FOCAD: variants seen among roughly 807,000 people sequenced by gnomAD.
FOCAD encodes the protein KIAA1797.
FOCAD carries 198 observed loss-of-function variants against 225.6 expected under a neutral mutation model. That is an observed-to-expected ratio of 0.88 (90% CI 0.78 to 0.99). The LOEUF is 0.99. Among genes scored for constraint, FOCAD ranks in the 50% least tolerant of loss-of-function variants. FOCAD has a pLI of 0.00. For missense variants in FOCAD, 2,713 were observed against 2,123.6 expected (o/e 1.28, Z -5.46); for synonymous variants, 897 against 755.0 (o/e 1.19, Z -3.08).
intron 28 of FOCAD, among the ~76,000 whole-genome samples, chr9:20,935,905 CTAT>C (rs567288868): frequency 6.6e-6 from 1 of 151,942 alleles, no homozygotes; most frequent in Non-Finnish European, 1.5e-5. Flanking sequence ...TAAGTTTTGT[CTAT>C]TAAACTAAAT....
intron 11 of FOCAD, among the ~76,000 whole-genome samples, chr9:20,805,781 G>A (rs1020098805): frequency 6.6e-6 from 1 of 152,160 alleles, no homozygotes; most frequent in Non-Finnish European, 1.5e-5. Context: ...GGGGAAAGGG[G>A]ATACGTTGTC....
chr9:20,795,784 GAAAAAAAAAA>G (rs1161085446), intron 11 of FOCAD, among the ~76,000 whole-genome samples: 1 of 42,406 alleles, frequency 2.4e-5, no homozygotes, highest in Non-Finnish European at 3.9e-5. Context: ...ACTCTGTCTC[GAAAAAAAAAA>G]AAAAAAAAAA....
At chr9:20,659,582 C>T (rs1678353929) in intron 2 of FOCAD, among the ~76,000 whole-genome samples, 1 of 152,126 alleles carries the variant, frequency 6.6e-6, no homozygotes, top group African/African-American at 2.4e-5. Flanking sequence ...TGTCAAGGAG[C>T]TAGGCCTCGG....
chr9:20,884,012 A>G (rs145867752), intron 20 of FOCAD, among the ~76,000 whole-genome samples: 1,575 of 152,302 alleles, frequency 0.01, 19 homozygotes, highest in Non-Finnish European at 0.017. Context: ...GAGTGAGTGT[A>G]TGTGAATACA....
chr9:20,919,861 A>G (rs1393699927), intron 24 of FOCAD, among the ~76,000 whole-genome samples: 4 of 152,032 alleles, frequency 2.6e-5, no homozygotes, highest in Non-Finnish European at 5.9e-5. Context: ...TAAAAACCCT[A>G]GAAGAAAACC....
At chr9:20,833,245 A>G (rs10811414) in intron 15 of FOCAD, among the ~76,000 whole-genome samples, 29,128 of 151,866 alleles carry the variant, frequency 0.19, 3,455 homozygotes, top group Non-Finnish European at 0.26. Flanking sequence ...TTCCCTCATG[A>G]TTAGTGATGT....
chr9:20,752,665 C>G (rs1364912953), intron 5 of FOCAD, among the ~76,000 whole-genome samples: 1 of 152,060 alleles, frequency 6.6e-6, no homozygotes, highest in Admixed American at 6.6e-5. Context: ...TCCATATGAA[C>G]TTTAAAGTAG....
At chr9:20,981,756 T>C in intron 38 of FOCAD, 70 bp downstream of exon 38, 3 of 1,513,158 alleles carry the variant, frequency 2.0e-6, no homozygotes, top group Non-Finnish European at 2.7e-6. Flanking sequence ...CTTGGCAAAG[T>C]GGGGAGGTGT....
At chr9:20,938,030 A>G (rs1331601123) in intron 28 of FOCAD, among the ~76,000 whole-genome samples, 1 of 152,010 alleles carries the variant, frequency 6.6e-6, no homozygotes, top group Non-Finnish European at 1.5e-5. Context: ...CCACAATGAG[A>G]TACCATCTCA....
chr9:20,818,619 G>A (rs753879853), intron 11 of FOCAD, among the ~76,000 whole-genome samples: 9 of 151,922 alleles, frequency 5.9e-5, no homozygotes, highest in Non-Finnish European at 1.3e-4. Context: ...ATCCCTCCGA[G>A]AGACTCTTCT....
chr9:20,755,955 TG>T (rs1444641348), intron 5 of FOCAD, among the ~76,000 whole-genome samples: 6 of 152,078 alleles, frequency 3.9e-5, no homozygotes, highest in African/African-American at 1.4e-4. Flanking sequence ...TCACTGCTAC[TG>T]GCCTGTTTTG....
Position 20,912,914 on chromosome 9 carries a change from C to T in FOCAD, c.2767C>T (p.Pro923Ser), listed in dbSNP as rs1476315962. 1.2e-6 allele frequency: 2 copies of T among 1,613,040 alleles called. No homozygotes were observed. Among genetic ancestry groups the T allele is most frequent in the Non-Finnish European group, 8.5e-7 (1 of 1,179,556 alleles). The change falls in exon 23 of 44, where the codon CCT becomes TCT. Residue 923 changes from proline (P) to serine (S), a missense_variant. Coordinates refer to ENST00000338382, the MANE Select transcript of FOCAD (RefSeq NM_001375567.1). ...GCAGTTAAAACATGGAAAAGAAGAA[C>T]CTGAGGAGGTGCAGTACAAAAAAAG... Reference protein sequence around the residue: ...ELQLKHGKEEPEEVQYKKSTA... With the variant: ...ELQLKHGKEESEEVQYKKSTA...
chr9:20,715,198 T>C (rs1486248295), intron 1 of FOCAD, 124 bp from the exon 2 acceptor site: 1 of 387,366 alleles, frequency 2.6e-6, no homozygotes, highest in Non-Finnish European at 4.6e-6. Context: ...TGCAGAGCCC[T>C]GTGCTTTATT....
chr9:20,717,661 A>T, intron 2 of FOCAD, 133 bp from the exon 3 acceptor site: 1 of 654,796 alleles, frequency 1.5e-6, no homozygotes, highest in Non-Finnish European at 2.6e-6. Flanking sequence ...AATGCCTTCT[A>T]CATAGCACAC....
At chr9:20,987,522 AG>A (rs1455354420) in intron 40 of FOCAD, among the ~76,000 whole-genome samples, 1 of 152,034 alleles carries the variant, frequency 6.6e-6, no homozygotes, top group Non-Finnish European at 1.5e-5. Flanking sequence ...AAAAAAAAAA[AG>A]AAATTTTGAT....
At chr9:20,922,584 C>T (rs1834548010) in intron 24 of FOCAD, among the ~76,000 whole-genome samples, 1 of 152,204 alleles carries the variant, frequency 6.6e-6, no homozygotes, top group Admixed American at 6.5e-5. Flanking sequence ...ACTTGAGGTA[C>T]TAGGCTCATT....
At chr9:20,876,628 TG>T (rs1177089828) in intron 19 of FOCAD, among the ~76,000 whole-genome samples, 1 of 152,170 alleles carries the variant, frequency 6.6e-6, no homozygotes, top group African/African-American at 2.4e-5. Context: ...TTGAGTGAGG[TG>T]GGTGATCTAG....
In FOCAD at chr9:20,676,479, C is replaced by T. The variant is rs181847616; in HGVS notation, c.-78+17653C>T. On this transcript the variant is annotated intron_variant, in intron 2 of 45. Coordinates refer to the FOCAD transcript ENST00000380249. ...CATCATGTTTCTCAATATAAAATTA[C>T]AAGGCAAACAGAGCATATGTCCAAA... Among the ~76,000 whole-genome samples the T allele has an allele frequency of 2.7e-4, 41 of 152,250 alleles. 1 individual carries two copies. Among genetic ancestry groups the T allele is most frequent in the South Asian group, 8.3e-4 (4 of 4,832 alleles).
In FOCAD at chr9:20,758,160, C is replaced by G; in HGVS notation, c.463C>G (p.Leu155Val). ...TTGCTGGCCAGTGTTTTTGCAGCAG[C>G]TGACAGCGTTTTTCCAGCAGTGCCC... ...PDCWPVFLQQ[L>V]TAFFQQCPER... Residue 155 changes from leucine (L) to valine (V), a missense_variant, in exon 6 of 44, where the codon CTG (leucine) becomes GTG (valine). Physicochemically the swap from Leu to Val is conservative, Grantham distance 32 (BLOSUM62 1). Coordinates refer to ENST00000338382, the MANE Select transcript of FOCAD (RefSeq NM_001375567.1). 2 of 1,612,174 alleles carry G rather than the reference C, an allele frequency of 1.2e-6. No individual in the cohort carries two copies. The highest frequency in any genetic ancestry group is 1.7e-6 in the Non-Finnish European group (2 of 1,179,202).
Sources: allele counts gnomAD v4.1 joint callset (sites outside exome capture counted in the v4.1 genomes callset), GRCh38; gene constraint gnomAD v4.1.1; transcripts MANE v1.5; gene names NCBI Gene and HGNC (gene_info 2026-07-23, HGNC 2026-07-21).